The following SPOCK1 variants were observed in gnomAD, a reference collection of about 807,000 sequenced individuals.
SPOCK1 encodes testican-1.
A neutral mutation model predicts 55.3 loss-of-function variants in SPOCK1; 23 were observed. The ratio of observed to expected loss-of-function variants is 0.42; its 90% CI spans 0.30 to 0.59. The LOEUF is 0.59. Among genes scored for constraint, SPOCK1 ranks in the 20% least tolerant of loss-of-function variants. The probability of loss-of-function intolerance (pLI) is 0.22; values close to 1 mark genes in which losing one functional copy is unlikely to be tolerated. For synonymous variants in SPOCK1, 226 were observed against 221.0 expected, an observed-to-expected ratio of 1.02 and a Z score of -0.20; for missense variants, 499 against 552.5, an observed-to-expected ratio of 0.90 and a Z score of 0.97.
At chr5:137,356,578 G>A (rs887417771) in intron 2 of SPOCK1, among the ~76,000 whole-genome samples, 2 of 151,278 alleles carry the variant, frequency 1.3e-5, no homozygotes, top group East Asian at 2.0e-4. Context: ...TCACTTGGGG[G>A]CCAAGAGTTT....
At chr5:137,109,082 A>G (rs1418612379) in intron 5 of SPOCK1, among the ~76,000 whole-genome samples, 19 of 152,182 alleles carry the variant, frequency 1.2e-4, no homozygotes. Flanking sequence ...GGCAGAGGTG[A>G]GTGAGCAGGT....
chr5:137,152,206 C>T (rs896456290), intron 3 of SPOCK1, among the ~76,000 whole-genome samples: 10 of 152,176 alleles, frequency 6.6e-5, no homozygotes, highest in African/African-American at 2.4e-4. Context: ...GCTGTTTTTA[C>T]GTTTTGTGTG....
chr5:137,308,947 CTT>C (rs1422210495), intron 2 of SPOCK1, among the ~76,000 whole-genome samples: 1 of 152,024 alleles, frequency 6.6e-6, no homozygotes, highest in African/African-American at 2.4e-5. Context: ...CATTTACACA[CTT>C]AAAAAAAATG....
intron 6 of SPOCK1, among the ~76,000 whole-genome samples, chr5:137,005,535 C>T (rs116542320): frequency 6.6e-6 from 1 of 152,104 alleles, no homozygotes; most frequent in African/African-American, 2.4e-5. Context: ...GACAACAAAG[C>T]AGTATTCAAG....
At chr5:137,277,819 T>G (rs762715394) in intron 2 of SPOCK1, among the ~76,000 whole-genome samples, 1 of 152,132 alleles carries the variant, frequency 6.6e-6, no homozygotes, top group Non-Finnish European at 1.5e-5. Context: ...CTAAGATGGT[T>G]TTCTGGGAAG....
intron 2 of SPOCK1, among the ~76,000 whole-genome samples, chr5:137,496,003 ATTAGT>A (rs1278670931): frequency 6.6e-6 from 1 of 152,226 alleles, no homozygotes; most frequent in Non-Finnish European, 1.5e-5. Context: ...TGCTAAAAAT[ATTAGT>A]TTAATGTCTA....
intron 2 of SPOCK1, among the ~76,000 whole-genome samples, chr5:137,461,805 G>C (rs4976447): frequency 2.6e-5 from 4 of 152,048 alleles, no homozygotes; most frequent in Non-Finnish European, 4.4e-5. Flanking sequence ...TAAATCAGAA[G>C]TATCTTCCAG....
chr5:137,152,932 C>T (rs779558734), intron 3 of SPOCK1, among the ~76,000 whole-genome samples: 2 of 152,152 alleles, frequency 1.3e-5, no homozygotes, highest in African/African-American at 2.4e-5. Context: ...TAGAATTTGC[C>T]GGAGATAATC....
intron 2 of SPOCK1, among the ~76,000 whole-genome samples, chr5:137,302,258 A>C (rs1757605586): frequency 1.3e-5 from 2 of 152,180 alleles, no homozygotes; most frequent in Non-Finnish European, 2.9e-5. Context: ...ATGAGGAATT[A>C]ACATTGAAGC....
intron 6 of SPOCK1, among the ~76,000 whole-genome samples, chr5:137,017,783 T>C (rs190614871): frequency 8.1e-4 from 124 of 152,322 alleles, no homozygotes; most frequent in African/African-American, 2.7e-3. Context: ...GGGGTCTGTA[T>C]ATATCAAAGC....
At chr5:137,480,490 T>G (rs1213490374) in intron 2 of SPOCK1, among the ~76,000 whole-genome samples, 1 of 152,214 alleles carries the variant, frequency 6.6e-6, no homozygotes, top group Non-Finnish European at 1.5e-5. Flanking sequence ...TTGTTTTGCT[T>G]TGCACAGAGA....
chr5:137,016,389 C>T (rs780744845), intron 6 of SPOCK1, among the ~76,000 whole-genome samples: 1 of 152,224 alleles, frequency 6.6e-6, no homozygotes, highest in Non-Finnish European at 1.5e-5. Flanking sequence ...AACACTCATT[C>T]TCTGTCTTAC....
chr5:137,179,713 C>T (rs889367085), intron 3 of SPOCK1, among the ~76,000 whole-genome samples: 9 of 152,130 alleles, frequency 5.9e-5, no homozygotes, highest in Admixed American at 3.9e-4. Context: ...AGGTATAAGA[C>T]CTGCTCCAAG....
At chr5:137,185,404 G>A (rs931052982) in intron 3 of SPOCK1, among the ~76,000 whole-genome samples, 2 of 152,182 alleles carry the variant, frequency 1.3e-5, no homozygotes, top group African/African-American at 2.4e-5. Flanking sequence ...TGCAGGTCAT[G>A]AGCTGAGGCA....
chr5:137,377,942 C>CAT (rs761433507), intron 2 of SPOCK1, among the ~76,000 whole-genome samples: 1 of 104,624 alleles, frequency 9.6e-6, no homozygotes, highest in Non-Finnish European at 1.8e-5. Flanking sequence ...TCACTTCTTC[C>CAT]TTTTTTTTTT....
chr5:137,143,042 T>C (rs576603751), intron 3 of SPOCK1, among the ~76,000 whole-genome samples: 25 of 152,172 alleles, frequency 1.6e-4, no homozygotes, highest in Non-Finnish European at 3.4e-4. Context: ...GACATGTCAG[T>C]CCTTCATTGC....
chr5:137,360,493 T>C (rs935186460), intron 2 of SPOCK1, among the ~76,000 whole-genome samples: 2 of 152,212 alleles, frequency 1.3e-5, no homozygotes, highest in African/African-American at 4.8e-5. Context: ...GATGCACCCT[T>C]AAGTCAATGG....
At chr5:137,135,273 ATCAATGTTCAGCAC>A (rs1753959234) in intron 4 of SPOCK1, among the ~76,000 whole-genome samples, 1 of 152,152 alleles carries the variant, frequency 6.6e-6, no homozygotes, top group African/African-American at 2.4e-5. Context: ...GAGAGGTAAA[ATCAATGTTCAGCAC>A]TCTGTAGGGA....
At chr5:137,125,561 CCACAATGTGAGGA>C (rs1156654916) in intron 4 of SPOCK1, among the ~76,000 whole-genome samples, 1 of 151,982 alleles carries the variant, frequency 6.6e-6, no homozygotes, top group Admixed American at 6.6e-5. Context: ...CTAGCTGTTC[CCACAATGTGAGGA>C]CACAATGAAA....
Sources: gnomAD v4.1 joint callset for allele counts (sites outside exome capture counted in the v4.1 genomes callset) on GRCh38, gnomAD v4.1.1 for gene constraint, MANE v1.5 for transcripts, NCBI Gene and HGNC (gene_info 2026-07-23, HGNC 2026-07-21) for gene names.